Variants in DLGAP1 observed in about 807,000 individuals in gnomAD.
The protein encoded by DLGAP1 is DLG associated protein 1.
A neutral mutation model predicts 90.8 loss-of-function variants in DLGAP1; 11 were observed. The observed-to-expected ratio is 0.12, with a 90% CI of 0.08 to 0.20. The LOEUF (loss-of-function observed/expected upper bound fraction) is 0.20, where lower values mean the gene tolerates loss of function less well. DLGAP1 is among the 10% of genes least tolerant of loss of function. The probability of loss-of-function intolerance (pLI) is 1.00; values close to 1 mark genes in which losing one functional copy is unlikely to be tolerated. For synonymous variants in DLGAP1, 558 were observed against 540.7 expected, an observed-to-expected ratio of 1.03 and a Z score of -0.44; for missense variants, 1,050 against 1,333.8, an observed-to-expected ratio of 0.79 and a Z score of 3.31.
chr18:3,970,821 C>A (rs2073433353), intron 3 of DLGAP1, among the ~76,000 whole-genome samples: 1 of 152,130 alleles, frequency 6.6e-6, no homozygotes, highest in Non-Finnish European at 1.5e-5. Context: ...GAACTGAAAT[C>A]CACTTTAATA....
chr18:3,629,837 T>C (rs972748056), intron 7 of DLGAP1, among the ~76,000 whole-genome samples: 4 of 152,344 alleles, frequency 2.6e-5, no homozygotes, highest in Non-Finnish European at 4.4e-5. Flanking sequence ...GATGTCCCTT[T>C]CTTGTGAAGG....
At chr18:4,353,961 G>A (rs1048682164) in intron 1 of DLGAP1, among the ~76,000 whole-genome samples, 1 of 152,180 alleles carries the variant, frequency 6.6e-6, no homozygotes, top group African/African-American at 2.4e-5. Context: ...AGTAGGTTTT[G>A]TGGGTAAACG....
chr18:4,114,056 C>CTTTTT (rs58180172), intron 2 of DLGAP1, among the ~76,000 whole-genome samples: 1 of 106,906 alleles, frequency 9.4e-6, no homozygotes. Context: ...ATGCCTCTGG[C>CTTTTT]TTTTTTTTTT....
chr18:3,726,437 T>C (rs2062182010), intron 7 of DLGAP1, among the ~76,000 whole-genome samples: 1 of 146,204 alleles, frequency 6.8e-6, no homozygotes, highest in Admixed American at 7.0e-5. Flanking sequence ...AGGAAATGCG[T>C]GTGTGGGGTG....
intron 2 of DLGAP1, among the ~76,000 whole-genome samples, chr18:4,022,709 A>G (rs1031835114): frequency 6.6e-6 from 1 of 152,186 alleles, no homozygotes; most frequent in Non-Finnish European, 1.5e-5. Flanking sequence ...ATTTAGCAGT[A>G]GAATTGGTGG....
intron 10 of DLGAP1, among the ~76,000 whole-genome samples, chr18:3,524,807 A>G (rs1389868815): frequency 6.6e-6 from 1 of 152,148 alleles, no homozygotes; most frequent in African/African-American, 2.4e-5. Flanking sequence ...AGACATTCTC[A>G]TTTACGAGTG....
chr18:4,283,443 T>C (rs1012555955), intron 1 of DLGAP1, among the ~76,000 whole-genome samples: 1 of 152,288 alleles, frequency 6.6e-6, no homozygotes, highest in Non-Finnish European at 1.5e-5. Flanking sequence ...CACAAACATA[T>C]ACTAGTTACC....
chr18:4,245,226 T>C lies in DLGAP1; in HGVS notation c.-266-93939A>G, dbSNP rs137884065. Among the ~76,000 whole-genome samples the C allele has an allele frequency of 2.0e-4, 30 of 152,338 alleles. No individual in the cohort carries two copies. In the East Asian group the frequency reaches 5.4e-3, roughly 27 times the overall value. On this transcript the variant is annotated intron_variant, in intron 1 of 12. Transcript: ENST00000315677. ...CAATTCATGAGGGGTATTATCAGTA[T>C]AATAGTATTCTGTAAAATCCGAATA... is the stretch of plus-strand genomic sequence containing the variant.
intron 7 of DLGAP1, among the ~76,000 whole-genome samples, chr18:3,636,565 C>G (rs2058723367): frequency 6.8e-6 from 1 of 148,106 alleles, no homozygotes; most frequent in African/African-American, 2.5e-5. Flanking sequence ...ACGCACGCCA[C>G]AATGCATGGC....
intron 9 of DLGAP1, among the ~76,000 whole-genome samples, chr18:3,562,680 G>A (rs1030659754): frequency 5.3e-5 from 8 of 150,470 alleles, no homozygotes; most frequent in African/African-American, 1.7e-4. Flanking sequence ...AAGTAGCTGG[G>A]ATTACAGACA....
chr18:3,536,450 C>T (rs1221936683), intron 9 of DLGAP1, among the ~76,000 whole-genome samples: 3 of 152,116 alleles, frequency 2.0e-5, no homozygotes, highest in Non-Finnish European at 4.4e-5. Context: ...TCTCGAACTC[C>T]TGACCTCAGG....
At chr18:4,213,137 A>T (rs2077881743) in intron 1 of DLGAP1, among the ~76,000 whole-genome samples, 1 of 152,224 alleles carries the variant, frequency 6.6e-6, no homozygotes, top group African/African-American at 2.4e-5. Flanking sequence ...AATGAGATAC[A>T]GTCTCTGCCG....
At chr18:4,027,382 T>C (rs1286816669) in intron 2 of DLGAP1, among the ~76,000 whole-genome samples, 1 of 151,504 alleles carries the variant, frequency 6.6e-6, no homozygotes, top group East Asian at 1.9e-4. Context: ...GGTGCATGCT[T>C]GTAATCCCAG....
At chr18:3,595,430 C>T (rs1744314571) in intron 7 of DLGAP1, among the ~76,000 whole-genome samples, 1 of 152,034 alleles carries the variant, frequency 6.6e-6, no homozygotes, top group South Asian at 2.1e-4. Flanking sequence ...ATATGTAAAT[C>T]CAGTTGTTGC....
At chr18:4,352,871 G>A (rs1184901132) in intron 1 of DLGAP1, among the ~76,000 whole-genome samples, 2 of 152,144 alleles carry the variant, frequency 1.3e-5, no homozygotes, top group East Asian at 3.9e-4. Flanking sequence ...AATGTGGGAG[G>A]AGGAACTGCT....
chr18:3,644,501 C>T (rs2059051553), intron 7 of DLGAP1, among the ~76,000 whole-genome samples: 1 of 152,078 alleles, frequency 6.6e-6, no homozygotes, highest in South Asian at 2.1e-4. Context: ...ACCTCCGCCT[C>T]CCGGGTTCAA....
Position 3,535,187 on chromosome 18 carries a change from G to A in DLGAP1, c.2058-572C>T, listed in dbSNP as rs556633059. 3.3e-5 allele frequency among the ~76,000 whole-genome samples: 5 copies of A among 151,752 alleles called. No homozygotes were observed. In the East Asian group the frequency reaches 5.8e-4, roughly 18 times the overall value. ...GTCATAGCTTCAATGTGAAGAGCAC[G>A]AATCTCATTTTTGCTCAATATGGAA... On this transcript the variant is annotated intron_variant, in intron 9 of 12. Coordinates refer to ENST00000315677, the MANE Select transcript of DLGAP1 (RefSeq NM_004746.4).
rs1332272897 is a variant in DLGAP1 at position 3,498,541 on chromosome 18, C to T, written c.*644G>A. 1.3e-5 allele frequency: 2 copies of T among 152,042 alleles called. No homozygotes were observed. Among genetic ancestry groups the T allele is most frequent in the Non-Finnish European group, 2.9e-5 (2 of 68,000 alleles). The allele number at this position is 152,042 out of a possible 1,614,324, so 9.4% of individuals were successfully genotyped here. A position where few individuals can be genotyped will look rare whatever the true frequency, so the allele number is the denominator to read the frequency against. ...TGTGCAGCTGTGAGTGTGCAGGTGC[C>T]CCCAGCACCTGCAGATTTCGCTTCT... On this transcript the variant is annotated 3_prime_UTR_variant, in exon 13 of 13. Transcript: ENST00000315677.
At chr18:3,515,098 T>C (rs976005354) in intron 10 of DLGAP1, among the ~76,000 whole-genome samples, 2 of 152,180 alleles carry the variant, frequency 1.3e-5, no homozygotes, top group East Asian at 1.9e-4. Flanking sequence ...CAATTGACTT[T>C]TCCTTTCATG....
Sources: allele counts gnomAD v4.1 joint callset (sites outside exome capture counted in the v4.1 genomes callset), GRCh38; gene constraint gnomAD v4.1.1; transcripts MANE v1.5; gene names NCBI Gene and HGNC (gene_info 2026-07-23, HGNC 2026-07-21).